Variants in GRIK2 observed in about 807,000 individuals in gnomAD.
The protein encoded by GRIK2 is glutamate receptor ionotropic, kainate 2.
GRIK2 carries 32 observed loss-of-function variants against 100.3 expected under a neutral mutation model. That is an observed-to-expected ratio of 0.32 (90% confidence interval 0.24 to 0.43). The LOEUF is 0.43. Among genes scored for constraint, GRIK2 ranks in the 20% least tolerant of loss-of-function variants. The pLI is 1.00. For missense variants in GRIK2, 843 were observed against 1,114.9 expected, an observed-to-expected ratio of 0.76 and a Z score of 3.47; for synonymous variants, 417 against 389.4, an observed-to-expected ratio of 1.07 and a Z score of -0.83.
chr6:101,702,424 G>C (rs185454036), intron 7 of GRIK2, among the ~76,000 whole-genome samples: 2 of 151,864 alleles, frequency 1.3e-5, no homozygotes, highest in East Asian at 1.9e-4. Context: ...TGCCTTAACT[G>C]TTTAACTGGC....
At position 101,741,509 on chromosome 6, in the gene GRIK2, T is replaced by C. The variant is rs562143425; in HGVS notation, c.951+55156T>C. ...GAGTACTCAGTGATGAGTAACTCAC[T>C]GAATCCTCAAAATTAACATTTTATA... On this transcript the variant is annotated intron_variant, in intron 7 of 16. Transcript: ENST00000369134. Among the ~76,000 whole-genome samples the C allele has an allele frequency of 3.3e-5, 5 of 152,322 alleles. No homozygotes were observed. The East Asian group carries it at 9.7e-4, about 29-fold the overall frequency.
At chr6:101,847,199 T>C (rs1783863301) in intron 10 of GRIK2, among the ~76,000 whole-genome samples, 1 of 152,158 alleles carries the variant, frequency 6.6e-6, no homozygotes, top group South Asian at 2.1e-4. Flanking sequence ...TCTGCTTTTG[T>C]TTTCATTCAT....
intron 7 of GRIK2, among the ~76,000 whole-genome samples, chr6:101,715,234 G>A (rs2128361443): frequency 6.6e-6 from 1 of 151,846 alleles, no homozygotes; most frequent in East Asian, 1.9e-4. Flanking sequence ...ATAAAATAAT[G>A]TAATGTTTTT....
chr6:101,872,785 C>A (rs1785516231), intron 11 of GRIK2, among the ~76,000 whole-genome samples: 1 of 151,818 alleles, frequency 6.6e-6, no homozygotes, highest in Non-Finnish European at 1.5e-5. Context: ...GTTTTCTACA[C>A]AAATATTAAA....
At chr6:101,490,946 C>T (rs1177449386) in intron 2 of GRIK2, among the ~76,000 whole-genome samples, 1 of 146,670 alleles carries the variant, frequency 6.8e-6, no homozygotes, top group Non-Finnish European at 1.5e-5. Context: ...CACATACACA[C>T]ACACCTTTTC....
intron 14 of GRIK2, among the ~76,000 whole-genome samples, chr6:101,974,408 G>A (rs1006626536): frequency 3.3e-5 from 5 of 151,932 alleles, no homozygotes; most frequent in Non-Finnish European, 7.4e-5. Flanking sequence ...TATGTTGAAT[G>A]CTAGCTAAAA....
intron 7 of GRIK2, among the ~76,000 whole-genome samples, chr6:101,735,530 G>A (rs575722299): frequency 3.3e-5 from 5 of 152,240 alleles, no homozygotes; most frequent in African/African-American, 9.6e-5. Flanking sequence ...CACATCTTAG[G>A]TGGATGGCAG....
chr6:101,942,704 A>C (rs1366472904), intron 14 of GRIK2, among the ~76,000 whole-genome samples: 1 of 152,230 alleles, frequency 6.6e-6, no homozygotes, highest in Non-Finnish European at 1.5e-5. Context: ...ATTTCAAAGC[A>C]GCAAAGTATT....
At chr6:101,635,669 C>A (rs1055750052) in intron 4 of GRIK2, among the ~76,000 whole-genome samples, 2 of 151,980 alleles carry the variant, frequency 1.3e-5, no homozygotes, top group Non-Finnish European at 2.9e-5. Context: ...GAAGAAAAAA[C>A]CCTATCAAAA....
chr6:101,654,638 A>G (rs1234918102), intron 4 of GRIK2, among the ~76,000 whole-genome samples: 1 of 152,208 alleles, frequency 6.6e-6, no homozygotes, highest in African/African-American at 2.4e-5. Flanking sequence ...AAGAAGTATT[A>G]CTGTACTATT....
At chr6:101,596,367 A>G (rs1407296277) in intron 2 of GRIK2, among the ~76,000 whole-genome samples, 1 of 151,484 alleles carries the variant, frequency 6.6e-6, no homozygotes, top group Non-Finnish European at 1.5e-5. Flanking sequence ...CTTAACTTCT[A>G]AGAAGTATCA....
intron 7 of GRIK2, among the ~76,000 whole-genome samples, chr6:101,738,895 G>T (rs912156383): frequency 1.3e-5 from 2 of 152,188 alleles, no homozygotes; most frequent in African/African-American, 2.4e-5. Flanking sequence ...GATGATAAGT[G>T]CTGTGAAGTA....
intron 14 of GRIK2, among the ~76,000 whole-genome samples, chr6:102,013,825 A>G (rs67501069): frequency 0.28 from 42,003 of 151,912 alleles, 6,218 homozygotes; most frequent in East Asian, 0.34. Flanking sequence ...GCTAGATTCA[A>G]TTTACTAGTA....
At chr6:101,423,033 T>C (rs1340531796) in intron 2 of GRIK2, among the ~76,000 whole-genome samples, 1 of 152,330 alleles carries the variant, frequency 6.6e-6, no homozygotes, top group African/African-American at 2.4e-5. Flanking sequence ...CTTTAGCACA[T>C]GCTGAAATAT....
At chr6:101,902,012 A>C (rs1344487214) in intron 12 of GRIK2, among the ~76,000 whole-genome samples, 4 of 138,722 alleles carry the variant, frequency 2.9e-5, no homozygotes, top group Non-Finnish European at 4.7e-5. Context: ...TTCATGAATC[A>C]TCTATAAAAT....
intron 4 of GRIK2, among the ~76,000 whole-genome samples, chr6:101,641,868 G>A (rs1781289890): frequency 6.6e-6 from 1 of 151,854 alleles, no homozygotes; most frequent in Admixed American, 6.6e-5. Context: ...AATAATTCTT[G>A]AAAATGACTT....
intron 2 of GRIK2, among the ~76,000 whole-genome samples, chr6:101,568,772 G>A (rs1203178041): frequency 1.3e-5 from 2 of 151,766 alleles, no homozygotes; most frequent in South Asian, 2.1e-4. Context: ...TGATTTTTTG[G>A]TTATTTAAAA....
chr6:101,950,595 T>G (rs1399834830), intron 14 of GRIK2, among the ~76,000 whole-genome samples: 1 of 152,210 alleles, frequency 6.6e-6, no homozygotes, highest in African/African-American at 2.4e-5. Flanking sequence ...TCATGACAAA[T>G]GAAGACTATT....
intron 14 of GRIK2, among the ~76,000 whole-genome samples, chr6:102,035,007 G>A (rs1050097050): frequency 6.6e-6 from 1 of 151,238 alleles, no homozygotes; most frequent in African/African-American, 2.4e-5. Context: ...TAAGAGACAA[G>A]CACAAAGAAC....
Sources: gnomAD v4.1 joint callset for allele counts (sites outside exome capture counted in the v4.1 genomes callset) on GRCh38, gnomAD v4.1.1 for gene constraint, MANE v1.5 for transcripts, NCBI Gene and HGNC (gene_info 2026-07-23, HGNC 2026-07-21) for gene names.